Variants in NDRG2 observed in about 807,000 individuals in gnomAD.
NDRG2 encodes the protein NDRG family member 2.
A neutral mutation model predicts 58.2 loss-of-function variants in NDRG2; 34 were observed. The observed-to-expected ratio is 0.58, with a 90% confidence interval of 0.44 to 0.78. The LOEUF is 0.78. NDRG2 is among the 30% of genes least tolerant of loss of function. The probability of loss-of-function intolerance (pLI) is 0.00; values close to 1 mark genes in which losing one functional copy is unlikely to be tolerated. For synonymous variants in NDRG2, 187 were observed against 175.9 expected (o/e 1.06, Z -0.50); for missense variants, 434 against 471.2 (o/e 0.92, Z 0.73).
chr14:21,020,634 C>G, intron 7 of NDRG2, 52 bp from the exon 8 acceptor site: 1 of 1,596,910 alleles, frequency 6.3e-7, no homozygotes. Flanking sequence ...GCCTTATCCC[C>G]TCCCCGCTAA....
chr14:21,022,012 CCTG>C, intron 5 of NDRG2, 47 bp downstream of exon 5: 1 of 1,613,822 alleles, frequency 6.2e-7, no homozygotes, highest in Non-Finnish European at 8.5e-7. Flanking sequence ...CTTTCCCGCA[CCTG>C]TCCTGTTCCT....
At chr14:21,020,378 C>T in intron 8 of NDRG2, 118 bp downstream of exon 8, 2 of 738,392 alleles carry the variant, frequency 2.7e-6, no homozygotes, top group Non-Finnish European at 4.7e-6. Flanking sequence ...ACTTTCCTGC[C>T]CCTTTACTCC....
At chr14:21,023,856 AAAC>A (rs1882219037) in intron 1 of NDRG2, 171 bp downstream of exon 1, 1 of 579,502 alleles carries the variant, frequency 1.7e-6, no homozygotes, top group Admixed American at 6.0e-5. Flanking sequence ...GAGGTGGGGA[AAAC>A]AACATAAAAG....
At chr14:21,033,876 C>A (rs752656495) in intron 1 of NDRG2, 2 of 1,614,072 alleles carry the variant, frequency 1.2e-6, no homozygotes, top group East Asian at 2.2e-5. Flanking sequence ...CTTGCGGGAG[C>A]AGAGTAGGTA....
chr14:21,068,380 T>C (rs967616797), intron 1 of NDRG2, among the ~76,000 whole-genome samples: 3 of 151,834 alleles, frequency 2.0e-5, no homozygotes, highest in African/African-American at 7.3e-5. Context: ...GCCAGATTAA[T>C]TTATATTCCA....
At chr14:21,027,528 C>G (rs1883775272), upstream of NDRG2, among the ~76,000 whole-genome samples, 1 of 152,214 alleles carries the variant, frequency 6.6e-6, no homozygotes, top group Non-Finnish European at 1.5e-5. Context: ...CCACCCTTCT[C>G]AAGTGGGAGA....
upstream of NDRG2, chr14:21,025,723 G>A (rs1224357279): frequency 3.0e-6 from 3 of 985,096 alleles, no homozygotes; most frequent in Middle Eastern, 5.2e-4. This position sits in a 1 kb window ranked among gnomAD's most constrained non-coding sequence, Gnocchi z 5.1. Context: ...CGGCTGCTCC[G>A]GGAGAAGTTG....
intron 1 of NDRG2, among the ~76,000 whole-genome samples, chr14:21,042,736 C>CA (rs1884958498): frequency 6.6e-6 from 1 of 152,132 alleles, no homozygotes; most frequent in Non-Finnish European, 1.5e-5. Flanking sequence ...CAAAGAGTGA[C>CA]AGGCAACAGG....
At chr14:21,040,761 C>T (rs532366348) in intron 1 of NDRG2, among the ~76,000 whole-genome samples, 90 of 152,312 alleles carry the variant, frequency 5.9e-4, no homozygotes, top group Non-Finnish European at 1.1e-3. Context: ...ATTCTTCCTC[C>T]GGATAATCAC....
chr14:21,023,180 G>T, intron 2 of NDRG2, 61 bp downstream of exon 2: 1 of 1,418,362 alleles, frequency 7.1e-7, no homozygotes, highest in Non-Finnish European at 9.9e-7. Context: ...GAAGTTAGAA[G>T]GCAAGGGGGA....
At chr14:21,047,999 C>T (rs548819213) in intron 1 of NDRG2, among the ~76,000 whole-genome samples, 2 of 152,280 alleles carry the variant, frequency 1.3e-5, no homozygotes, top group African/African-American at 4.8e-5. Context: ...TGGCCCTCTT[C>T]ATAGTGTCTG....
rs1882811603 is a variant in NDRG2, at chr14:21,024,698, G to A, written c.-675C>T. 13 of 985,340 alleles carry A rather than the reference G, an allele frequency of 1.3e-5. No individual in the cohort carries two copies. Among genetic ancestry groups the A allele is most frequent in the Non-Finnish European group, 1.6e-5 (13 of 829,988 alleles). The allele number at this position is 985,340 out of a possible 1,614,324, so 61.0% of individuals were successfully genotyped here. ...CGGCCCGCGAAGGCAAGCGCCATCGGGAAGGGATGGGTAGGACAGAGGAGA... is the reference window on the plus strand; with the variant it reads ...CGGCCCGCGAAGGCAAGCGCCATCGAGAAGGGATGGGTAGGACAGAGGAGA... On this transcript the variant is annotated 5_prime_UTR_variant, in exon 1 of 16. Coordinates refer to ENST00000556147, the MANE Select transcript of NDRG2 (RefSeq NM_001320329.2).
At chr14:21,021,686 C>T in intron 6 of NDRG2, 131 bp downstream of exon 6, 1 of 990,974 alleles carries the variant, frequency 1.0e-6, no homozygotes, top group Non-Finnish European at 1.5e-6. Context: ...AAGGCGGGAG[C>T]ATGAAGGAAG....
rs71416997 is a variant in NDRG2 at position 21,062,708 on chromosome 14, A to AGTGTGTGTGTGTGTGTGTGTGTGTGT, written c.24+8094_24+8119dup. On this transcript the variant is annotated intron_variant, in intron 1 of 14. Coordinates refer to the NDRG2 transcript ENST00000403829. ...AATGTAAACAAAACAGGCTGGGCAC[A>AGTGTGTGTGTGTGTGTGTGTGTGTGT]GTGTGTGTGTGTGTGTGTGTGTGTG... is the stretch of plus-strand genomic sequence containing the variant. 2.7e-3 allele frequency among the ~76,000 whole-genome samples: 359 copies of AGTGTGTGTGTGTGTGTGTGTGTGTGT among 131,022 alleles called. 2 individuals carry two copies. The highest frequency in any genetic ancestry group is 8.3e-3 in the East Asian group (36 of 4,340). 86.0% of individuals were successfully genotyped at this position (131,022 alleles called of 152,430 possible). A position where few individuals can be genotyped will look rare whatever the true frequency, so the allele number is the denominator to read the frequency against.
At chr14:21,029,599 AAAATAAATACGC>A (rs1406194093), upstream of NDRG2, among the ~76,000 whole-genome samples, 2 of 152,230 alleles carry the variant, frequency 1.3e-5, no homozygotes, top group African/African-American at 4.8e-5. Context: ...ACTCCATCTC[AAAATAAATACGC>A]AAATAAATAA....
intron 1 of NDRG2, chr14:21,036,340 G>A (rs1422774547): frequency 6.8e-6 from 3 of 442,150 alleles, no homozygotes; most frequent in Non-Finnish European, 1.4e-5. Flanking sequence ...TAGGGTAGGG[G>A]TGCCCAGTCT....
At chr14:21,055,781 C>G (rs1885648472) in intron 1 of NDRG2, among the ~76,000 whole-genome samples, 1 of 152,168 alleles carries the variant, frequency 6.6e-6, no homozygotes, top group Admixed American at 6.5e-5. Flanking sequence ...TGAATAATCA[C>G]TTGGTAACCC....
intron 3 of NDRG2, 157 bp from the exon 4 acceptor site, chr14:21,022,654 C>G (rs8009591): frequency 3.0e-6 from 2 of 670,202 alleles, no homozygotes; most frequent in African/African-American, 3.7e-5. Context: ...AACATGATAC[C>G]GGAAGATGAG....
At chr14:21,067,121 G>C (rs1886308928) in intron 1 of NDRG2, among the ~76,000 whole-genome samples, 1 of 152,156 alleles carries the variant, frequency 6.6e-6, no homozygotes, top group African/African-American at 2.4e-5. Flanking sequence ...GGCAGTCATA[G>C]CTCTTGGTGC....
Sources: gnomAD v4.1 joint callset for allele counts (sites outside exome capture counted in the v4.1 genomes callset) on GRCh38, gnomAD v4.1.1 for gene constraint, Gnocchi (gnomAD v3.1) non-coding constraint, MANE v1.5 for transcripts, NCBI Gene and HGNC (gene_info 2026-07-23, HGNC 2026-07-21) for gene names.